The following CKAP5 variants were observed in gnomAD, a reference collection of about 807,000 sequenced individuals.
CKAP5 encodes the protein cytoskeleton-associated protein 5.
A neutral mutation model predicts 232.8 loss-of-function variants in CKAP5; 27 were observed. The ratio of observed to expected loss-of-function variants is 0.12; its 90% CI spans 0.09 to 0.16. The LOEUF is 0.16. CKAP5 is among the 10% of genes least tolerant of loss of function. CKAP5 has a pLI of 1.00. For missense variants in CKAP5, 1,838 were observed against 2,424.7 expected (o/e 0.76, Z 5.08); for synonymous variants, 785 against 841.1 (o/e 0.93, Z 1.16).
At chr11:46,759,558 C>T (rs1364957756) in intron 33 of CKAP5, 116 bp from the exon 34 acceptor site, 2 of 1,029,554 alleles carry the variant, frequency 1.9e-6, no homozygotes, top group East Asian at 2.6e-5. Context: ...CTGGTTTCAG[C>T]CCCCCTGAAT....
At chr11:46,809,592 AAT>A in intron 6 of CKAP5, 92 bp from the exon 7 acceptor site, 1 of 1,322,374 alleles carries the variant, frequency 7.6e-7, no homozygotes, top group South Asian at 1.2e-5. Flanking sequence ...ATGAAATTTT[AAT>A]AGAGAAGGGA....
intron 3 of CKAP5, among the ~76,000 whole-genome samples, chr11:46,816,879 G>C (rs969267933): frequency 2.0e-5 from 3 of 151,038 alleles, no homozygotes; most frequent in Non-Finnish European, 4.4e-5. Flanking sequence ...GGCTGAGGCG[G>C]GTGGATCACC....
chr11:46,769,544 A>G (rs753997201), intron 26 of CKAP5, among the ~76,000 whole-genome samples: 3 of 152,044 alleles, frequency 2.0e-5, no homozygotes, highest in Non-Finnish European at 4.4e-5. Context: ...AAAAGTAAAA[A>G]ATTTAGCCAG....
intron 1 of CKAP5, among the ~76,000 whole-genome samples, chr11:46,834,939 G>A (rs1472755713): frequency 2.6e-5 from 4 of 151,342 alleles, no homozygotes; most frequent in Non-Finnish European, 5.9e-5. Context: ...CCAAGTAGCT[G>A]GGCCACAGGC....
intron 42 of CKAP5, among the ~76,000 whole-genome samples, chr11:46,747,746 T>C (rs565291715): frequency 1.9e-4 from 29 of 152,084 alleles, no homozygotes; most frequent in Middle Eastern, 3.4e-3. Context: ...AGAAGACATA[T>C]GCCTGGTGTG....
chr11:46,753,738 C>A (rs1000174368), intron 36 of CKAP5, among the ~76,000 whole-genome samples: 1 of 151,894 alleles, frequency 6.6e-6, no homozygotes, highest in African/African-American at 2.4e-5. Context: ...AGGCACCCAC[C>A]ACCACGCTGG....
intron 1 of CKAP5, among the ~76,000 whole-genome samples, chr11:46,841,571 C>A (rs1940052726): frequency 6.6e-6 from 1 of 152,148 alleles, no homozygotes; most frequent in South Asian, 2.1e-4. Context: ...GCCAAGTGGT[C>A]ACCCATGGTA....
chr11:46,833,437 C>T (rs1268593931), intron 1 of CKAP5, among the ~76,000 whole-genome samples: 1 of 151,974 alleles, frequency 6.6e-6, no homozygotes, highest in Non-Finnish European at 1.5e-5. Context: ...ACCAAGCACT[C>T]AGTAAACCAC....
chr11:46,756,170 G>A (rs951936636), intron 35 of CKAP5, among the ~76,000 whole-genome samples: 5 of 152,026 alleles, frequency 3.3e-5, no homozygotes, highest in African/African-American at 1.2e-4. Flanking sequence ...CTAATCTATT[G>A]GCAAGTTCTG....
chr11:46,776,489 C>T (rs1457480741), intron 23 of CKAP5, 106 bp from the exon 24 acceptor site: 19 of 797,236 alleles, frequency 2.4e-5, no homozygotes, highest in Non-Finnish European at 2.8e-5. Flanking sequence ...TATCTAAGGC[C>T]CACATGAACA....
At chr11:46,835,632 C>T (rs1209810233) in intron 1 of CKAP5, among the ~76,000 whole-genome samples, 2 of 152,094 alleles carry the variant, frequency 1.3e-5, no homozygotes, top group African/African-American at 4.8e-5. Flanking sequence ...AGCCAATACA[C>T]ACTCACACAT....
intron 16 of CKAP5, among the ~76,000 whole-genome samples, chr11:46,786,308 T>G (rs774891443): frequency 1.5e-4 from 23 of 152,230 alleles, no homozygotes; most frequent in Non-Finnish European, 3.2e-4. Context: ...ACCTGAAGTC[T>G]TGTAACCATG....
At position 46,750,338 on chromosome 11, in the gene CKAP5, G is replaced by A. The variant is rs1445069118; in HGVS notation, c.5640C>T (p.Val1880=). ...KNSSQFFQSY[V]ERGLRVIEME... is the part of the protein sequence containing the mutation. ...TCTCAATCACCCGAAGGCCTCTTTC[G>A]ACATAGCTCTGGAAGAACTGTGAGG... is the stretch of plus-strand genomic sequence containing the variant. Residue 1880 remains valine, a synonymous_variant, in exon 42 of 44, where the codon GTC becomes GTT. Coordinates refer to ENST00000529230, the MANE Select transcript of CKAP5 (RefSeq NM_001008938.4). The A allele has an allele frequency of 5.0e-6, 8 of 1,614,048 alleles. No individual in the cohort carries two copies. Among genetic ancestry groups the A allele is most frequent in the East Asian group, 2.2e-5 (1 of 44,882 alleles).
intron 27 of CKAP5, 96 bp from the exon 28 acceptor site, chr11:46,765,352 G>C (rs1336461740): frequency 3.8e-6 from 4 of 1,049,446 alleles, no homozygotes; most frequent in Non-Finnish European, 5.3e-6. Context: ...AGAAAACAGA[G>C]ATATCTTTCT....
At chr11:46,772,027 G>A (rs964988101) in intron 24 of CKAP5, among the ~76,000 whole-genome samples, 5 of 110,480 alleles carry the variant, frequency 4.5e-5, no homozygotes, top group Non-Finnish European at 9.3e-5. Flanking sequence ...TAATAACACT[G>A]AGCATCTTTT....
intron 20 of CKAP5, among the ~76,000 whole-genome samples, chr11:46,779,644 AG>A (rs1160516179): frequency 6.6e-6 from 1 of 151,344 alleles, no homozygotes; most frequent in African/African-American, 2.4e-5. Context: ...TTTTGAGAAA[AG>A]GTCTCTCTGT....
chr11:46,785,570 A>T (rs1300974369), intron 16 of CKAP5, among the ~76,000 whole-genome samples: 1 of 152,156 alleles, frequency 6.6e-6, no homozygotes, highest in Non-Finnish European at 1.5e-5. Flanking sequence ...CCTCAAGTGG[A>T]TCTCAAGTGG....
rs2064996544 is a variant in CKAP5, at chr11:46,743,079, A to C, written c.*944T>G. 6.6e-6 allele frequency: 1 copy of C among 152,200 alleles called. No homozygotes were observed. The highest frequency in any genetic ancestry group is 1.5e-5 in the Non-Finnish European group (1 of 68,026). The allele number at this position is 152,200 out of a possible 1,614,324, so 9.4% of individuals were successfully genotyped here. A position where few individuals can be genotyped will look rare whatever the true frequency, so the allele number is the denominator to read the frequency against. On this transcript the variant is annotated 3_prime_UTR_variant, in exon 44 of 44. Coordinates refer to ENST00000529230, the MANE Select transcript of CKAP5 (RefSeq NM_001008938.4). ...TCTGACTGAATGTGAAGCAACTGTT[A>C]GCCTGGACCAAAAGAGACTCATACA...
chr11:46,783,505 G>C, intron 17 of CKAP5, 137 bp from the exon 18 acceptor site: 1 of 567,300 alleles, frequency 1.8e-6, no homozygotes, highest in Non-Finnish European at 3.1e-6. Context: ...GAACAAGAGT[G>C]AACCTACACA....
Sources: gnomAD v4.1 joint callset for allele counts (sites outside exome capture counted in the v4.1 genomes callset) on GRCh38, gnomAD v4.1.1 for gene constraint, MANE v1.5 for transcripts, NCBI Gene and HGNC (gene_info 2026-07-23, HGNC 2026-07-21) for gene names.